The following CYLC2 variants were observed in gnomAD, a reference collection of about 807,000 sequenced individuals.
CYLC2 encodes the protein cylicin 2, also known as cylicin-2.
A neutral mutation model predicts 26.1 loss-of-function variants in CYLC2; 30 were observed. The observed-to-expected ratio is 1.15, with a 90% CI of 0.86 to 1.56. The LOEUF is 1.56. CYLC2 is among the 40% of genes most tolerant of loss of function. The pLI, the probability that CYLC2 is intolerant of heterozygous loss-of-function variation, is 0.00. For missense variants in CYLC2, 498 were observed against 394.4 expected (o/e 1.26, Z -2.23); for synonymous variants, 158 against 132.8 (o/e 1.19, Z -1.31).
intron 6 of CYLC2, among the ~76,000 whole-genome samples, chr9:103,015,470 T>C (rs1449404334): frequency 4.3e-5 from 6 of 138,358 alleles, no homozygotes; most frequent in African/African-American, 1.3e-4. Flanking sequence ...AATTATAATA[T>C]ATAATACATT....
At chr9:103,012,998 A>G (rs898479629) in intron 6 of CYLC2, among the ~76,000 whole-genome samples, 6 of 149,572 alleles carry the variant, frequency 4.0e-5, no homozygotes, top group African/African-American at 1.5e-4. Flanking sequence ...TGGCTGGAAA[A>G]AAAAGGAAAG....
Position 103,005,064 on chromosome 9 carries a change from A to G in CYLC2, c.433A>G (p.Lys145Glu). Residue 145 changes from lysine (K) to glutamate (E), a missense_variant, in exon 5 of 8, where the codon AAG (lysine) becomes GAG (glutamate). Lys to Glu is a moderately conservative substitution (Grantham distance 56, BLOSUM62 1). Coordinates refer to ENST00000374798, the MANE Select transcript of CYLC2 (RefSeq NM_001340.5). ...KQGKKDSKKG[K>E]DIEKGKEEKL... ...AGGAAAAAAAGATTCAAAGAAAGGC[A>G]AGGATATAGAGAAAGGAAAAGAAGA... 6.2e-7 allele frequency: 1 copy of G among 1,602,908 alleles called. No individual in the cohort carries two copies. The highest frequency in any genetic ancestry group is 8.5e-7 in the Non-Finnish European group (1 of 1,176,704).
At chr9:103,015,128 GATAT>G (rs1829484079) in intron 6 of CYLC2, among the ~76,000 whole-genome samples, 2 of 8,902 alleles carry the variant, frequency 2.2e-4, no homozygotes, top group African/African-American at 7.4e-4. Flanking sequence ...TATATCACGT[GATAT>G]ACATAACATG....
intron 6 of CYLC2, among the ~76,000 whole-genome samples, chr9:103,013,799 T>C (rs1386305230): frequency 2.7e-5 from 3 of 111,514 alleles, no homozygotes; most frequent in Non-Finnish European, 4.9e-5. Flanking sequence ...ATATTTTATA[T>C]TATATATTAT....
chr9:102,996,115 TA>T (rs1052669019), intron 1 of CYLC2, among the ~76,000 whole-genome samples: 6 of 151,806 alleles, frequency 4.0e-5, no homozygotes, highest in African/African-American at 1.4e-4. Flanking sequence ...GCAGTATTGT[TA>T]AAGGAAAGAT....
chr9:102,997,886 A>T (rs1468503360), intron 1 of CYLC2, among the ~76,000 whole-genome samples: 3 of 151,968 alleles, frequency 2.0e-5, no homozygotes, highest in Non-Finnish European at 2.9e-5. Context: ...CCTGAAAAAA[A>T]TTTTTTATGG....
At chr9:103,009,540 C>A (rs1324470449) in intron 5 of CYLC2, among the ~76,000 whole-genome samples, 1 of 152,004 alleles carries the variant, frequency 6.6e-6, no homozygotes, top group African/African-American at 2.4e-5. Flanking sequence ...GGGGTAACTA[C>A]CCCTTCAAAG....
rs1017215483 is a variant in CYLC2 at position 103,001,455 on chromosome 9, G to T, written c.18-123G>T. The T allele has an allele frequency of 2.2e-5, 14 of 649,356 alleles. No individual in the cohort carries two copies. The African/African-American group carries it at 2.4e-4, about 11-fold the overall frequency. 40.2% of individuals were successfully genotyped at this position (649,356 alleles called of 1,614,324 possible). A position where few individuals can be genotyped will look rare whatever the true frequency, so the allele number is the denominator to read the frequency against. On this transcript the variant is annotated intron_variant, in intron 1 of 7. Transcript: ENST00000374798. ...GATGAAGTAATCTTATATAACAAAAGATATCTGAGATTGTGAAATATTTCT... is the reference window on the plus strand; with the variant it reads ...GATGAAGTAATCTTATATAACAAAATATATCTGAGATTGTGAAATATTTCT...
At position 103,017,003 on chromosome 9, in the gene CYLC2, A is replaced by G. The variant is rs367812166; in HGVS notation, c.*890+42A>G. Reference sequence around the variant, plus strand: ...TTACCCTTATGTGTAATAGCCATCTAATTTTAGAACAATGATGTTTAATAT... The same window carrying G: ...TTACCCTTATGTGTAATAGCCATCTGATTTTAGAACAATGATGTTTAATAT... On this transcript the variant is annotated intron_variant, in intron 7 of 7. Transcript: ENST00000374798. The G allele has an allele frequency of 1.4e-4, 22 of 151,988 alleles. No homozygotes were observed. In the East Asian group the frequency reaches 2.9e-3, roughly 20 times the overall value. The allele number at this position is 151,988 out of a possible 1,614,324, so 9.4% of individuals were successfully genotyped here.
rs369157608 is a variant in CYLC2, at chr9:103,004,699, T to C, written c.185T>C (p.Ile62Thr). The change falls in exon 4 of 8, where the codon ATT becomes ACT. Residue 62 changes from isoleucine (I) to threonine (T), a missense_variant. By Grantham distance (89) the Ile-to-Thr change is moderately conservative. Transcript: ENST00000374798. ...ATTATTGTAACCATCTTTCAGATAA[T>C]TGATGAAGAACAATTAAGAGGAGAT... is the stretch of plus-strand genomic sequence containing the variant. ...SQIRDNTVSI[I>T]DEEQLRGDRR... 53 of 1,587,830 alleles carry C rather than the reference T, an allele frequency of 3.3e-5. No homozygotes were observed. The African/African-American group carries it at 5.9e-4, about 18-fold the overall frequency.
chr9:103,002,298 T>G (rs1452914723), intron 2 of CYLC2, among the ~76,000 whole-genome samples: 1 of 151,902 alleles, frequency 6.6e-6, no homozygotes, highest in African/African-American at 2.4e-5. Context: ...TTTGTCATTT[T>G]CCTTTACAAA....
rs1829307433 is a variant in CYLC2, at chr9:103,003,279, A to AT, written c.180+20dup. ...CACGGTTTCTGTAAGCATTGGAAAG[A>AT]TTTTATAATTATCAGTAATAAGTAA... On this transcript the variant is annotated intron_variant, in intron 3 of 7. Transcript: ENST00000374798. The AT allele has an allele frequency of 6.3e-7, 1 of 1,598,938 alleles. No individual in the cohort carries two copies. The highest frequency in any genetic ancestry group is 8.5e-7 in the Non-Finnish European group (1 of 1,170,904).
At chr9:103,011,021 T>C (rs981388095) in intron 5 of CYLC2, among the ~76,000 whole-genome samples, 1 of 152,022 alleles carries the variant, frequency 6.6e-6, no homozygotes, top group Non-Finnish European at 1.5e-5. Context: ...TAGAAACCAT[T>C]ACAAAAAATA....
chr9:103,016,514 C>G (rs1263769151), intron 6 of CYLC2, among the ~76,000 whole-genome samples: 1 of 151,984 alleles, frequency 6.6e-6, no homozygotes, highest in African/African-American at 2.4e-5. Context: ...CATCGGTGTT[C>G]TATTTTCTGC....
chr9:103,010,654 T>C (rs997286535), intron 5 of CYLC2: 1 of 152,072 alleles, frequency 6.6e-6, no homozygotes. Context: ...TTTGCAAAAA[T>C]GTATAGTTAT....
chr9:103,004,557 T>C (rs916709207), intron 3 of CYLC2, 138 bp from the exon 4 acceptor site: 2 of 619,826 alleles, frequency 3.2e-6, no homozygotes, highest in African/African-American at 1.9e-5. Context: ...AAATAAAGGA[T>C]GAAATCTCAA....
rs981544780 is a variant in CYLC2 at position 103,006,263 on chromosome 9, A to G, written c.*585A>G. On this transcript the variant is annotated 3_prime_UTR_variant, in exon 5 of 8. Transcript: ENST00000374798. Reference sequence around the variant, plus strand: ...AAAGAAAAAAAAAGTAAAAGAAAAGAAAAAAAATGTATTACCACCCGATGA... The same window carrying G: ...AAAGAAAAAAAAAGTAAAAGAAAAGGAAAAAAATGTATTACCACCCGATGA... 1.3e-5 allele frequency: 2 copies of G among 151,816 alleles called. No individual in the cohort carries two copies. The highest frequency in any genetic ancestry group is 2.9e-5 in the Non-Finnish European group (2 of 67,966). The allele number at this position is 151,816 out of a possible 1,614,324, so 9.4% of individuals were successfully genotyped here. A position where few individuals can be genotyped will look rare whatever the true frequency, so the allele number is the denominator to read the frequency against.
intron 5 of CYLC2, among the ~76,000 whole-genome samples, chr9:103,008,313 T>C (rs1177343572): frequency 6.6e-6 from 1 of 152,168 alleles, no homozygotes; most frequent in Non-Finnish European, 1.5e-5. Flanking sequence ...TTAATAGCAG[T>C]GTCCTTTTAT....
At position 103,011,981 on chromosome 9, in the gene CYLC2, G is replaced by T. The variant is rs537258596; in HGVS notation, c.*701-1G>T. ...TTTTTTTTTTTTTTTTTTTGATCGA[G>T]TCTCGCTCTGTTGCCCTGGCTGGAG... On this transcript the variant is annotated splice_acceptor_variant, in intron 5 of 7. Transcript: ENST00000374798. LOFTEE classifies it low-confidence loss of function (3UTR_SPLICE). 7.2e-5 allele frequency: 7 copies of T among 97,304 alleles called. No homozygotes were observed. The highest frequency in any genetic ancestry group is 3.3e-4 in the East Asian group (1 of 3,046). The allele number at this position is 97,304 out of a possible 1,614,324, so 6.0% of individuals were successfully genotyped here.
Sources: gnomAD v4.1 joint callset for allele counts (sites outside exome capture counted in the v4.1 genomes callset) on GRCh38, gnomAD v4.1.1 for gene constraint, MANE v1.5 for transcripts, NCBI Gene and HGNC (gene_info 2026-07-23, HGNC 2026-07-21) for gene names.